The following DNAJC17 variants were observed in gnomAD, a reference collection of about 807,000 sequenced individuals.
The protein encoded by DNAJC17 is DnaJ heat shock protein family (Hsp40) member C17, also known as dnaJ homolog subfamily C member 17.
In DNAJC17, 35 loss-of-function variants were observed where a neutral mutation model predicts 48.1. The ratio of observed to expected loss-of-function variants is 0.73; its 90% CI spans 0.56 to 0.96. DNAJC17 has a LOEUF of 0.96. Among genes scored for constraint, DNAJC17 ranks in the 50% least tolerant of loss-of-function variants. DNAJC17 has a pLI of 0.00. For missense variants in DNAJC17, 355 were observed against 377.1 expected (o/e 0.94, Z 0.48); for synonymous variants, 117 against 142.7 (o/e 0.82, Z 1.28).
At chr15:40,779,625 A>G in intron 2 of DNAJC17, 22 bp from the exon 3 acceptor site, 1 of 1,613,610 alleles carries the variant, frequency 6.2e-7, no homozygotes, top group Non-Finnish European at 8.5e-7. Context: ...GATCAAAAAG[A>G]CAGAAGAAAA....
intron 1 of DNAJC17, among the ~76,000 whole-genome samples, chr15:40,797,172 C>A (rs1447484799): frequency 6.6e-6 from 1 of 152,118 alleles, no homozygotes; most frequent in Admixed American, 6.5e-5. Context: ...GAGTTTGAGA[C>A]CAGTCTGGGC....
In DNAJC17 at chr15:40,768,072, A is replaced by AGGGCAGGGACAGGGAGG; in HGVS notation, c.793-27_793-11dup. 4 of 1,548,588 alleles carry AGGGCAGGGACAGGGAGG rather than the reference A, an allele frequency of 2.6e-6. No individual in the cohort carries two copies. Among genetic ancestry groups the AGGGCAGGGACAGGGAGG allele is most frequent in the Non-Finnish European group, 3.5e-6 (4 of 1,150,956 alleles). ...CTGACAGCACTGAGCCCTGTCGGACAGGGCAGGGACAGGGAGGGGTCAGGG... is the reference window on the plus strand; with the variant it reads ...CTGACAGCACTGAGCCCTGTCGGACAGGGCAGGGACAGGGAGGGGGCAGGGACAGGGAGGGGTCAGGG... On this transcript the variant is annotated splice_polypyrimidine_tract_variant and intron_variant, in intron 10 of 10. Coordinates refer to ENST00000220496, the MANE Select transcript of DNAJC17 (RefSeq NM_018163.3).
At chr15:40,777,197 G>A (rs1019619931) in intron 4 of DNAJC17, among the ~76,000 whole-genome samples, 16 of 152,050 alleles carry the variant, frequency 1.1e-4, no homozygotes, top group South Asian at 6.2e-4. Flanking sequence ...CCATGTGCCA[G>A]GCCAGCTGCT....
chr15:40,779,908 C>T lies in DNAJC17; in HGVS notation c.148+20G>A, dbSNP rs558094855. 7.3e-5 allele frequency: 118 copies of T among 1,612,058 alleles called. No individual in the cohort carries two copies. The highest frequency in any genetic ancestry group is 9.5e-5 in the Non-Finnish European group (112 of 1,179,186). On this transcript the variant is annotated intron_variant, in intron 2 of 10. Transcript: ENST00000220496. ...GGGTGAGTGGGTTTCTTTCTCCCCA[C>T]GCCCTGAGAAGAGTCTCACCTGCTC... is the stretch of plus-strand genomic sequence containing the variant.
At chr15:40,804,146 T>G (rs11070294) in intron 1 of DNAJC17, among the ~76,000 whole-genome samples, 43,141 of 150,496 alleles carry the variant, frequency 0.29, 7,079 homozygotes, top group South Asian at 0.4. Flanking sequence ...TTTTTATATA[T>G]AGAGAGAGAG....
intron 9 of DNAJC17, 171 bp downstream of exon 9, chr15:40,774,185 C>CGGT: frequency 1.4e-6 from 1 of 720,546 alleles, no homozygotes; most frequent in East Asian, 2.5e-5. Context: ...CCTTCACACA[C>CGGT]GGTGCCTCTA....
Position 40,767,264 on chromosome 15 carries a change from T to G in DNAJC17, c.*676A>C. On this transcript the variant is annotated 3_prime_UTR_variant, in exon 11 of 11. Coordinates refer to ENST00000220496, the MANE Select transcript of DNAJC17 (RefSeq NM_018163.3). The stretch of plus-strand genomic sequence containing the variant: ...GTCGATGACCCTCCCCGCATAGTCC[T>G]GGACAAGCTGGAACGCAGGGGCTTC... 6.2e-7 allele frequency: 1 copy of G among 1,604,080 alleles called. No homozygotes were observed. The highest frequency in any genetic ancestry group is 1.3e-5 in the African/African-American group (1 of 74,412).
At position 40,767,462 on chromosome 15, in the gene DNAJC17, C is replaced by T. The variant is rs1257673332; in HGVS notation, c.*478G>A. Reference sequence around the variant, plus strand: ...TTGCTCCTCTCTTCCCAAATCATCACCGCCATGGGCCCAGCCCCAAAGGGC... The same window carrying T: ...TTGCTCCTCTCTTCCCAAATCATCATCGCCATGGGCCCAGCCCCAAAGGGC... On this transcript the variant is annotated 3_prime_UTR_variant, in exon 11 of 11. Transcript: ENST00000220496. 2 of 1,223,554 alleles carry T rather than the reference C, an allele frequency of 1.6e-6. No homozygotes were observed. The highest frequency in any genetic ancestry group is 2.2e-6 in the Non-Finnish European group (2 of 897,408). 75.8% of individuals were successfully genotyped at this position (1,223,554 alleles called of 1,614,324 possible).
At chr15:40,793,342 G>A (rs561655603) in intron 1 of DNAJC17, among the ~76,000 whole-genome samples, 8 of 152,058 alleles carry the variant, frequency 5.3e-5, no homozygotes, top group African/African-American at 9.7e-5. Flanking sequence ...GCACCTCAGC[G>A]TTCACTGAGT....
intron 1 of DNAJC17, among the ~76,000 whole-genome samples, chr15:40,781,631 T>C (rs867291954): frequency 6.6e-6 from 1 of 152,008 alleles, no homozygotes; most frequent in African/African-American, 2.4e-5. Context: ...TTATAAACTT[T>C]TGAGTTTAGT....
rs1394760010 is a variant in DNAJC17 at position 40,800,122 on chromosome 15, G to C, written c.78+7247C>G. Among the ~76,000 whole-genome samples the C allele has an allele frequency of 3.3e-5, 5 of 152,160 alleles. No individual in the cohort carries two copies. In the East Asian group the frequency reaches 9.6e-4, roughly 29 times the overall value. On this transcript the variant is annotated intron_variant, in intron 1 of 10. Transcript: ENST00000220496. ...GAGTCTTGCTCCATCACCCAGCCTG[G>C]AGTGCAGTGGCACGATTTCGGCTCA...
chr15:40,779,573 A>G lies in DNAJC17; in HGVS notation c.179T>C (p.Leu60Ser). ...AELFHQLSQA[L>S]EVLTDAAARA... ...GGCTGCAGCATCGGTCAGCACCTCC[A>G]AGGCCTGAGAAAGCTGGTGGAAGAG... The change falls in exon 3 of 11, where the codon TTG (leucine) becomes TCG (serine). Residue 60 changes from leucine to serine, a missense_variant. By Grantham distance (145) the Leu-to-Ser change is moderately radical (BLOSUM62 -2). Around this residue, in one of 3 missense-constraint regions of DNAJC17, gnomAD observed 199 missense variants for 199.9 expected, o/e 1.00. Coordinates refer to ENST00000220496, the MANE Select transcript of DNAJC17 (RefSeq NM_018163.3). The G allele has an allele frequency of 6.2e-7, 1 of 1,614,232 alleles. No homozygotes were observed.
chr15:40,802,619 G>A (rs1890103437), intron 1 of DNAJC17, among the ~76,000 whole-genome samples: 1 of 152,122 alleles, frequency 6.6e-6, no homozygotes, highest in Non-Finnish European at 1.5e-5. Flanking sequence ...ACTGAACCGC[G>A]CTGGACAGGG....
intron 1 of DNAJC17, among the ~76,000 whole-genome samples, chr15:40,788,004 A>G (rs1421737414): frequency 6.6e-6 from 1 of 152,188 alleles, no homozygotes; most frequent in Non-Finnish European, 1.5e-5. Flanking sequence ...TTAGACTTAG[A>G]TAAGGAGGAC....
Position 40,775,085 on chromosome 15 carries a change from C to A in DNAJC17, c.546G>T (p.Glu182Asp). Residue 182 changes from glutamate to aspartate, a missense_variant, in exon 8 of 11, where the codon GAG (glutamate) becomes GAT (aspartate). By Grantham distance (45) the Glu-to-Asp change is conservative. Coordinates refer to ENST00000220496, the MANE Select transcript of DNAJC17 (RefSeq NM_018163.3). Reference protein sequence around the residue: ...KLKLKWKCKKEDESKGGYSKD... With the variant: ...KLKLKWKCKKDDESKGGYSKD... ...TGGAGTAGCCACCTTTTGACTCATCCTCCTTCTTGCACTTCCATTTTAGCT... is the reference window on the plus strand; with the variant it reads ...TGGAGTAGCCACCTTTTGACTCATCATCCTTCTTGCACTTCCATTTTAGCT... 2.5e-6 allele frequency: 4 copies of A among 1,614,154 alleles called. No individual in the cohort carries two copies. The highest frequency in any genetic ancestry group is 3.4e-6 in the Non-Finnish European group (4 of 1,180,030).
intron 4 of DNAJC17, among the ~76,000 whole-genome samples, chr15:40,778,716 C>T (rs1431785403): frequency 3.3e-5 from 5 of 152,098 alleles, no homozygotes; most frequent in Non-Finnish European, 5.9e-5. Flanking sequence ...AGGTGGATAG[C>T]TTGAGGCCAG....
intron 10 of DNAJC17, chr15:40,771,631 G>A (rs8025558): frequency 0.084 from 14,320 of 170,586 alleles, 1,752 homozygotes; most frequent in African/African-American, 0.28. Context: ...AAAATTAACA[G>A]TTCAGTTCCT....
chr15:40,769,086 GGT>G lies in DNAJC17; in HGVS notation c.793-1026_793-1025del, dbSNP rs995632511. ...CCTGGCCAGCAGGTTTGGAGTAAGGGGTGTAGAGAAACAGGAAGTGTTACTCA... is the reference window on the plus strand; with the variant it reads ...CCTGGCCAGCAGGTTTGGAGTAAGGGGTAGAGAAACAGGAAGTGTTACTCA... On this transcript the variant is annotated intron_variant, in intron 10 of 10. Coordinates refer to ENST00000220496, the MANE Select transcript of DNAJC17 (RefSeq NM_018163.3). This position sits in a 1 kb window ranked among gnomAD's most constrained non-coding sequence, Gnocchi z 4.2. Among the ~76,000 whole-genome samples the G allele has an allele frequency of 9.8e-5, 15 of 152,338 alleles. No homozygotes were observed. The highest frequency in any genetic ancestry group is 6.5e-4 in the Admixed American group (10 of 15,308).
chr15:40,780,355 G>A (rs1337820405), intron 1 of DNAJC17: 1 of 481,698 alleles, frequency 2.1e-6, no homozygotes, highest in Non-Finnish European at 4.1e-6. Context: ...CAACCTATCT[G>A]GAAGAAAATT....
Sources: gnomAD v4.1 joint callset for allele counts (sites outside exome capture counted in the v4.1 genomes callset) on GRCh38, gnomAD v4.1.1 for gene constraint, gnomAD v4.1.1 regional missense constraint, Gnocchi (gnomAD v3.1) non-coding constraint, MANE v1.5 for transcripts, NCBI Gene and HGNC (gene_info 2026-07-23, HGNC 2026-07-21) for gene names.